TLN2: variants seen among roughly 807,000 people sequenced by gnomAD.
TLN2 encodes talin-2.
In TLN2, 118 loss-of-function variants were observed where a neutral mutation model predicts 294.7. The observed-to-expected ratio is 0.40, with a 90% CI of 0.34 to 0.47. The LOEUF (loss-of-function observed/expected upper bound fraction) is 0.47. Among genes scored for constraint, TLN2 ranks in the 20% least tolerant of loss-of-function variants. The pLI is 0.84. For missense variants in TLN2, 3,083 were observed against 3,282.2 expected (o/e 0.94, Z 1.48); for synonymous variants, 1,431 against 1,304.5 (o/e 1.10, Z -2.09).
chr15:62,726,779 T>C (rs951887177), intron 27 of TLN2, among the ~76,000 whole-genome samples: 1 of 152,234 alleles, frequency 6.6e-6, no homozygotes, highest in Non-Finnish European at 1.5e-5. Flanking sequence ...ATTAATTCTC[T>C]GAAAACCTTC....
At chr15:62,401,144 G>A (rs551715976) in intron 1 of TLN2, among the ~76,000 whole-genome samples, 6 of 152,220 alleles carry the variant, frequency 3.9e-5, no homozygotes, top group Admixed American at 3.3e-4. Context: ...TGGGACCCTC[G>A]CTTGTCTGGA....
At chr15:62,784,210 C>T in intron 45 of TLN2, 1 of 405,856 alleles carries the variant, frequency 2.5e-6, no homozygotes, top group Admixed American at 4.1e-5. Context: ...AAGCTTGGGA[C>T]TGCCATCTTA....
chr15:62,465,284 C>G (rs1456109387), intron 1 of TLN2, among the ~76,000 whole-genome samples: 1 of 152,080 alleles, frequency 6.6e-6, no homozygotes, highest in African/African-American at 2.4e-5. Flanking sequence ...CCTAGCCCCC[C>G]TATCCCAGCT....
intron 28 of TLN2, among the ~76,000 whole-genome samples, chr15:62,729,749 T>C (rs2060617113): frequency 6.6e-6 from 1 of 152,180 alleles, no homozygotes; most frequent in South Asian, 2.1e-4. Context: ...GTAGTGTAAT[T>C]ACTGATATGT....
In TLN2 at chr15:62,718,321, C is replaced by T. The variant is rs540394660; in HGVS notation, c.2877+632C>T. Among the ~76,000 whole-genome samples the T allele has an allele frequency of 4.3e-4, 66 of 152,358 alleles. 1 individual carries two copies. Among genetic ancestry groups the T allele is most frequent in the Middle Eastern group, 6.8e-3 (2 of 294 alleles). On this transcript the variant is annotated intron_variant, in intron 24 of 58. Transcript: ENST00000636159. ...GACACAAAGTCCAGTTGCAAAGCCACTGCCCACATGTGGGTGGCACATCTG... is the reference window on the plus strand; with the variant it reads ...GACACAAAGTCCAGTTGCAAAGCCATTGCCCACATGTGGGTGGCACATCTG...
intron 32 of TLN2, among the ~76,000 whole-genome samples, chr15:62,745,493 T>G (rs1465733892): frequency 2.0e-5 from 3 of 152,206 alleles, no homozygotes; most frequent in African/African-American, 7.2e-5. Context: ...CATTATAAAG[T>G]CCCTTCACCT....
intron 45 of TLN2, among the ~76,000 whole-genome samples, chr15:62,791,478 A>C (rs770622622): frequency 1.3e-5 from 2 of 152,238 alleles, no homozygotes; most frequent in Non-Finnish European, 2.9e-5. Context: ...AAAGGAAGAG[A>C]GTTTTTTCCC....
intron 51 of TLN2, among the ~76,000 whole-genome samples, chr15:62,807,507 G>A (rs72741206): frequency 2.8e-4 from 42 of 152,306 alleles, no homozygotes; most frequent in East Asian, 2.5e-3. Flanking sequence ...GTTCAAGGTC[G>A]CTATGGTTGA....
At chr15:62,834,159 G>A (rs6494363) in intron 55 of TLN2, 117,129 of 151,506 alleles carry the variant, frequency 0.77, 45,515 homozygotes, top group Non-Finnish European at 0.83. Flanking sequence ...CATCTACTTT[G>A]GCATAAAAGT....
intron 9 of TLN2, among the ~76,000 whole-genome samples, chr15:62,663,810 A>G (rs1374979299): frequency 6.6e-6 from 1 of 152,028 alleles, no homozygotes; most frequent in Admixed American, 6.5e-5. Context: ...TGCTATGTTA[A>G]TGGGTAGGAA....
chr15:62,687,567 A>G lies in TLN2; in HGVS notation c.1113+771A>G, dbSNP rs1441669985. On this transcript the variant is annotated intron_variant, in intron 12 of 58. Coordinates refer to ENST00000636159, the MANE Select transcript of TLN2 (RefSeq NM_015059.3). The stretch of plus-strand genomic sequence containing the variant: ...GCCACATTTACATGTGAAACACAAT[A>G]GAGCGGGTGGTTGGTAGGGCAAGAT... 2.6e-5 allele frequency among the ~76,000 whole-genome samples: 4 copies of G among 152,248 alleles called. No individual in the cohort carries two copies. The East Asian group carries it at 7.7e-4, about 29-fold the overall frequency.
At chr15:62,678,006 G>T (rs957972146) in intron 11 of TLN2, among the ~76,000 whole-genome samples, 1 of 151,716 alleles carries the variant, frequency 6.6e-6, no homozygotes, top group Non-Finnish European at 1.5e-5. Context: ...TGTTGGTCAG[G>T]CTGGTCTCGA....
chr15:62,543,311 A>G (rs1044835121), intron 1 of TLN2, among the ~76,000 whole-genome samples: 2 of 152,252 alleles, frequency 1.3e-5, no homozygotes, highest in African/African-American at 4.8e-5. Context: ...GGACTTCATT[A>G]ATTCAGCATA....
intron 1 of TLN2, among the ~76,000 whole-genome samples, chr15:62,556,420 C>T (rs1437351874): frequency 3.3e-5 from 5 of 152,020 alleles, no homozygotes; most frequent in Admixed American, 1.3e-4. Flanking sequence ...GATCCTCGCA[C>T]CTCAGCTTCC....
rs369372883 is a variant in TLN2, at chr15:62,711,961, G to A, written c.2518G>A (p.Val840Ile). 11 of 1,613,990 alleles carry A rather than the reference G, an allele frequency of 6.8e-6. No individual in the cohort carries two copies. The highest frequency in any genetic ancestry group is 1.3e-5 in the African/African-American group (1 of 74,932). ...TCTGGCCCAAGCCACATCAGACCTC[G>A]TCAATGCCATGAGGTCAGATGCAGA... is the stretch of plus-strand genomic sequence containing the variant. Reference protein sequence around the residue: ...RVLAQATSDLVNAMRSDAEAE... With the variant: ...RVLAQATSDLINAMRSDAEAE... Residue 840 changes from valine to isoleucine, a missense_variant, in exon 22 of 59, where the codon GTC becomes ATC. Coordinates refer to ENST00000636159, the MANE Select transcript of TLN2 (RefSeq NM_015059.3).
rs1314971922 is a variant in TLN2 at position 62,792,516 on chromosome 15, T to TA, written c.5737-123dup. 2.3e-6 allele frequency: 3 copies of TA among 1,311,042 alleles called. No homozygotes were observed. The East Asian group carries it at 7.1e-5, about 31-fold the overall frequency. The allele number at this position is 1,311,042 out of a possible 1,614,324, so 81.2% of individuals were successfully genotyped here. A position where few individuals can be genotyped will look rare whatever the true frequency, so the allele number is the denominator to read the frequency against. On this transcript the variant is annotated intron_variant, in intron 45 of 58. Coordinates refer to ENST00000636159, the MANE Select transcript of TLN2 (RefSeq NM_015059.3). ...CCATACTTCACCAAACACAGACTCCTAATAGGAGTGGAATTTTCCTAGCCA... is the reference window on the plus strand; with the variant it reads ...CCATACTTCACCAAACACAGACTCCTAAATAGGAGTGGAATTTTCCTAGCCA...
intron 1 of TLN2, among the ~76,000 whole-genome samples, chr15:62,585,776 TA>T (rs2045547232): frequency 6.6e-6 from 1 of 152,204 alleles, no homozygotes; most frequent in South Asian, 2.1e-4. Flanking sequence ...ATATTCATAA[TA>T]GGCATTTTAA....
intron 21 of TLN2, 93 bp from the exon 22 acceptor site, chr15:62,711,818 A>G: frequency 7.1e-7 from 1 of 1,402,158 alleles, no homozygotes; most frequent in South Asian, 1.6e-5. Context: ...CCTGCTTACC[A>G]GAGGAGTAGA....
chr15:62,740,483 C>T (rs1031310151), intron 31 of TLN2, 147 bp from the exon 32 acceptor site: 9 of 961,062 alleles, frequency 9.4e-6, no homozygotes, highest in Middle Eastern at 2.8e-4. Context: ...AGTGTCTCAA[C>T]GAGTTAGGCA....
Sources: allele counts gnomAD v4.1 joint callset (sites outside exome capture counted in the v4.1 genomes callset), GRCh38; gene constraint gnomAD v4.1.1; transcripts MANE v1.5; gene names NCBI Gene and HGNC (gene_info 2026-07-23, HGNC 2026-07-21).